The following AQR variants were observed in gnomAD, a reference collection of about 807,000 sequenced individuals.
The protein encoded by AQR is aquarius intron-binding spliceosomal factor, also known as RNA helicase aquarius.
In AQR, 61 loss-of-function variants were observed where a neutral mutation model predicts 180.5. The ratio of observed to expected loss-of-function variants is 0.34; its 90% CI spans 0.28 to 0.42. AQR has a LOEUF of 0.42. Ranked by LOEUF, AQR falls within the 10% of genes least tolerant of loss-of-function variation. AQR has a pLI of 1.00. For missense variants in AQR, 1,281 were observed against 1,798.3 expected (o/e 0.71, Z 5.20); for synonymous variants, 551 against 588.8 (o/e 0.94, Z 0.93).
At position 34,901,909 on chromosome 15, in the gene AQR, A is replaced by G. The variant is rs76554755; in HGVS notation, c.2002-1046T>C. Among the ~76,000 whole-genome samples, 115 of 152,344 alleles carry G rather than the reference A, an allele frequency of 7.5e-4. No individual in the cohort carries two copies. The East Asian group carries it at 0.011, about 14-fold the overall frequency. ...GAGTATATTCACCTAACAATGATGA[A>G]TAAGATCAGGGCTCTGCCCTCTAAG... is the stretch of plus-strand genomic sequence containing the variant. On this transcript the variant is annotated intron_variant, in intron 19 of 34. Transcript: ENST00000156471.
chr15:34,925,305 G>A (rs944566074), intron 13 of AQR, among the ~76,000 whole-genome samples: 1 of 152,098 alleles, frequency 6.6e-6, no homozygotes, highest in African/African-American at 2.4e-5. Flanking sequence ...AAAGTAAAAT[G>A]AGATAAAAAT....
intron 4 of AQR, among the ~76,000 whole-genome samples, chr15:34,948,942 A>G (rs1309523248): frequency 6.6e-6 from 1 of 152,160 alleles, no homozygotes; most frequent in Admixed American, 6.6e-5. Context: ...AAACGTTGCC[A>G]ACATACATAA....
Position 34,969,542 on chromosome 15 carries a change from G to C in AQR, c.72C>G (p.Thr24=). 6.2e-7 allele frequency: 1 copy of C among 1,613,622 alleles called. No homozygotes were observed. Among genetic ancestry groups the C allele is most frequent in the Non-Finnish European group, 8.5e-7 (1 of 1,180,010 alleles). ...TVSQINAEFV[T]QLACKYWAPH... is the part of the protein sequence containing the mutation. ...CACCAGACTCGCCCGAGCTCACCTG[G>C]GTCACGAACTCCGCATTGATTTGGG... is the stretch of plus-strand genomic sequence containing the variant. Residue 24 remains threonine (T), a synonymous_variant, in exon 1 of 35, where the codon ACC becomes ACG. Transcript: ENST00000156471.
At chr15:34,926,201 G>C (rs1001424677) in intron 13 of AQR, among the ~76,000 whole-genome samples, 1 of 151,966 alleles carries the variant, frequency 6.6e-6, no homozygotes, top group Non-Finnish European at 1.5e-5. Flanking sequence ...TAAAAAAATA[G>C]TATGCTGGTC....
At chr15:34,872,678 T>C (rs557627154) in intron 30 of AQR, among the ~76,000 whole-genome samples, 2 of 152,228 alleles carry the variant, frequency 1.3e-5, no homozygotes, top group African/African-American at 4.8e-5. Flanking sequence ...AGTACACAAA[T>C]AGAGTAACTT....
intron 20 of AQR, among the ~76,000 whole-genome samples, chr15:34,897,936 T>C (rs539387522): frequency 2.0e-5 from 3 of 152,296 alleles, no homozygotes; most frequent in Admixed American, 2.0e-4. Context: ...TACGGGAGAA[T>C]TTAAAGAAAC....
At chr15:34,938,374 A>T (rs1893974689) in intron 9 of AQR, among the ~76,000 whole-genome samples, 1 of 152,068 alleles carries the variant, frequency 6.6e-6, no homozygotes, top group South Asian at 2.1e-4. Context: ...TCTCTACCAA[A>T]AATACAAAAC....
rs183016363 is a variant in AQR, at chr15:34,873,641, C to T, written c.3597+187G>A. Among the ~76,000 whole-genome samples the T allele has an allele frequency of 1.8e-3, 280 of 152,120 alleles. 1 individual carries two copies. The highest frequency in any genetic ancestry group is 0.014 in the Middle Eastern group (4 of 294). On this transcript the variant is annotated intron_variant, in intron 30 of 34. Coordinates refer to ENST00000156471, the MANE Select transcript of AQR (RefSeq NM_014691.3). ...CATTAATATTTTCTTCTAGTAGTTT[C>T]TAGTTTGTTTAGTTTCTTTAGTGCA...
At chr15:34,931,701 G>T (rs1893863248) in intron 11 of AQR, among the ~76,000 whole-genome samples, 1 of 152,090 alleles carries the variant, frequency 6.6e-6, no homozygotes. Context: ...CCGGCTACTG[G>T]GGAGACTGAG....
chr15:34,966,641 C>G (rs971357626), intron 1 of AQR, among the ~76,000 whole-genome samples: 7 of 152,184 alleles, frequency 4.6e-5, no homozygotes, highest in Non-Finnish European at 7.3e-5. Flanking sequence ...ACTCCCAGCA[C>G]CTGGTATTGT....
chr15:34,942,229 A>G, intron 6 of AQR, 149 bp from the exon 7 acceptor site: 1 of 460,092 alleles, frequency 2.2e-6, no homozygotes, highest in Non-Finnish European at 3.7e-6. Flanking sequence ...AAGAAGTTCA[A>G]TGCTTTAAAA....
At chr15:34,893,130 CAA>C (rs1893176073) in intron 23 of AQR, among the ~76,000 whole-genome samples, 1 of 152,162 alleles carries the variant, frequency 6.6e-6, no homozygotes, top group African/African-American at 2.4e-5. Flanking sequence ...AGCACTCAGA[CAA>C]AAAGTTTTCT....
At chr15:34,872,604 T>C (rs879492242) in intron 30 of AQR, among the ~76,000 whole-genome samples, 2 of 152,166 alleles carry the variant, frequency 1.3e-5, no homozygotes, top group Admixed American at 6.5e-5. Context: ...ACATCACTGA[T>C]TTGAACTAGG....
rs775100358 is a variant in AQR, at chr15:34,934,651, A to G, written c.719-16T>C. 1.8e-5 allele frequency: 28 copies of G among 1,523,894 alleles called. No individual in the cohort carries two copies. Among genetic ancestry groups the G allele is most frequent in the Non-Finnish European group, 2.5e-5 (28 of 1,138,314 alleles). 94.4% of individuals were successfully genotyped at this position (1,523,894 alleles called of 1,614,324 possible). A position where few individuals can be genotyped will look rare whatever the true frequency, so the allele number is the denominator to read the frequency against. On this transcript the variant is annotated splice_polypyrimidine_tract_variant and intron_variant, in intron 9 of 34. Coordinates refer to ENST00000156471, the MANE Select transcript of AQR (RefSeq NM_014691.3). ...GTGACAGGTTCTAGACATAAGAGAG[A>G]ACGCATGATAGAATTTCCTTACTAG...
chr15:34,948,531 T>TGGTA, intron 4 of AQR, 147 bp from the exon 5 acceptor site: 1 of 1,065,882 alleles, frequency 9.4e-7, no homozygotes, highest in Non-Finnish European at 1.3e-6. Flanking sequence ...TGGCTGGGTG[T>TGGTA]GGTAGCTCAT....
intron 4 of AQR, among the ~76,000 whole-genome samples, chr15:34,951,199 T>A (rs1370119277): frequency 6.6e-6 from 1 of 152,230 alleles, no homozygotes; most frequent in Non-Finnish European, 1.5e-5. Context: ...CACTTCCCTA[T>A]ATCCAGCTAC....
At chr15:34,905,897 C>T (rs547187575) in intron 18 of AQR, among the ~76,000 whole-genome samples, 4 of 151,928 alleles carry the variant, frequency 2.6e-5, no homozygotes, top group Admixed American at 2.6e-4. Context: ...ATTAGCCAGG[C>T]GCGGTGGCAG....
chr15:34,936,251 A>G (rs1046184287), intron 9 of AQR, among the ~76,000 whole-genome samples: 1 of 152,210 alleles, frequency 6.6e-6, no homozygotes, highest in Non-Finnish European at 1.5e-5. Flanking sequence ...ACCCTATTTT[A>G]AAAAGGAAAC....
chr15:34,939,036 A>G (rs913146123), intron 8 of AQR, among the ~76,000 whole-genome samples: 1 of 151,692 alleles, frequency 6.6e-6, no homozygotes, highest in African/African-American at 2.4e-5. Context: ...CTAAGCAAGC[A>G]CCTCCTTCTC....
Sources: gnomAD v4.1 joint callset for allele counts (sites outside exome capture counted in the v4.1 genomes callset) on GRCh38, gnomAD v4.1.1 for gene constraint, MANE v1.5 for transcripts, NCBI Gene and HGNC (gene_info 2026-07-23, HGNC 2026-07-21) for gene names.